Variants in NGEF observed in about 807,000 individuals in gnomAD.
NGEF encodes the protein neuronal guanine nucleotide exchange factor.
In NGEF, 31 loss-of-function variants were observed where a neutral mutation model predicts 80.9. The ratio of observed to expected loss-of-function variants is 0.38; its 90% CI spans 0.29 to 0.52. The LOEUF (loss-of-function observed/expected upper bound fraction) is 0.52. Ranked by LOEUF, NGEF falls within the 20% of genes least tolerant of loss-of-function variation. The pLI, the probability that NGEF is intolerant of heterozygous loss-of-function variation, is 0.84. For synonymous variants in NGEF, 371 were observed against 370.2 expected (o/e 1.00, Z -0.03); for missense variants, 709 against 926.2 (o/e 0.77, Z 3.04).
chr2:232,895,388 G>A (rs1157082410), intron 5 of NGEF, among the ~76,000 whole-genome samples: 1 of 152,086 alleles, frequency 6.6e-6, no homozygotes, highest in African/African-American at 2.4e-5. Flanking sequence ...TTAGCTGGGT[G>A]TGGTAGCACA....
At position 232,904,551 on chromosome 2, in the gene NGEF, A is replaced by G. The variant is rs73102736; in HGVS notation, c.829-9635T>C. 5.9e-5 allele frequency among the ~76,000 whole-genome samples: 9 copies of G among 152,276 alleles called. No individual in the cohort carries two copies. The South Asian group carries it at 1.9e-3, about 32-fold the overall frequency. Reference sequence around the variant, plus strand: ...GCCCCTTCCCAACCTTTTAATTTGAATCTATGCCTAATTATTTCCTCCAAT... The same window carrying G: ...GCCCCTTCCCAACCTTTTAATTTGAGTCTATGCCTAATTATTTCCTCCAAT... On this transcript the variant is annotated intron_variant, in intron 5 of 14. Transcript: ENST00000264051.
intron 5 of NGEF, among the ~76,000 whole-genome samples, chr2:232,919,982 G>A (rs1044787123): frequency 5.3e-5 from 8 of 152,284 alleles, no homozygotes; most frequent in Non-Finnish European, 1.0e-4. Context: ...GCATTCACGC[G>A]TGACGGAAAT....
At position 232,920,515 on chromosome 2, in the gene NGEF, T is replaced by C; in HGVS notation, c.597A>G (p.Ala199=). Residue 199 remains alanine, a synonymous_variant, in exon 5 of 15, where the codon GCA becomes GCG. Transcript: ENST00000264051. ...QEIETRRQQD[A]EIEDNTNGSP... ...ACCCATTGGTATTGTCTTCTATTTCTGCATCCTGTTGCCTCCTGGTTTCGA... is the reference window on the plus strand; with the variant it reads ...ACCCATTGGTATTGTCTTCTATTTCCGCATCCTGTTGCCTCCTGGTTTCGA... The C allele has an allele frequency of 6.3e-7, 1 of 1,582,702 alleles. No homozygotes were observed. Among genetic ancestry groups the C allele is most frequent in the Non-Finnish European group, 8.6e-7 (1 of 1,161,134 alleles).
At chr2:232,960,607 G>A (rs926100407) in intron 3 of NGEF, among the ~76,000 whole-genome samples, 3 of 152,162 alleles carry the variant, frequency 2.0e-5, no homozygotes, top group African/African-American at 7.2e-5. Context: ...GGCCTGGAGC[G>A]GTGGCTCATG....
intron 1 of NGEF, among the ~76,000 whole-genome samples, chr2:232,999,344 C>T (rs576230103): frequency 4.6e-5 from 7 of 152,066 alleles, no homozygotes; most frequent in South Asian, 2.1e-4. Context: ...AAAAAAAAAT[C>T]GAGTGTCTGT....
At chr2:232,970,418 C>T (rs1449165633) in intron 2 of NGEF, 90 bp from the exon 3 acceptor site, 2 of 843,766 alleles carry the variant, frequency 2.4e-6, no homozygotes, top group Non-Finnish European at 3.7e-6. Flanking sequence ...TAGCAGCAGT[C>T]ATGCTGGAAG....
intron 14 of NGEF, 83 bp downstream of exon 14, chr2:232,881,063 T>G (rs1691485702): frequency 3.8e-6 from 4 of 1,044,622 alleles, no homozygotes; most frequent in Non-Finnish European, 5.9e-6. Flanking sequence ...CAGACAGTGG[T>G]GGCATCTGCT....
intron 3 of NGEF, among the ~76,000 whole-genome samples, chr2:232,948,193 A>G (rs1693602270): frequency 6.9e-6 from 1 of 144,948 alleles, no homozygotes; most frequent in Non-Finnish European, 1.5e-5. Flanking sequence ...GTATATAATT[A>G]TTATTAGTTT....
intron 5 of NGEF, among the ~76,000 whole-genome samples, chr2:232,913,668 C>T (rs184177587): frequency 3.0e-4 from 45 of 152,238 alleles, no homozygotes; most frequent in Admixed American, 1.2e-3. Flanking sequence ...CACCTGTAAT[C>T]CCAGCACTTT....
At chr2:232,949,377 C>G (rs1559220537) in intron 3 of NGEF, among the ~76,000 whole-genome samples, 1 of 152,106 alleles carries the variant, frequency 6.6e-6, no homozygotes, top group Non-Finnish European at 1.5e-5. Flanking sequence ...AGGATAGACT[C>G]TGGGTCAAAG....
intron 5 of NGEF, among the ~76,000 whole-genome samples, chr2:232,903,479 G>A (rs1448302297): frequency 6.6e-6 from 1 of 152,140 alleles, no homozygotes; most frequent in African/African-American, 2.4e-5. Flanking sequence ...TGTGTCTGAC[G>A]AGGGAACTGG....
chr2:232,896,555 G>GT (rs1192452962), intron 5 of NGEF, among the ~76,000 whole-genome samples: 8 of 118,094 alleles, frequency 6.8e-5, no homozygotes, highest in Non-Finnish European at 7.2e-5. Flanking sequence ...GGGTGAGGGT[G>GT]GGGTAGGGGT....
intron 3 of NGEF, among the ~76,000 whole-genome samples, chr2:232,939,400 C>T (rs1693395724): frequency 6.6e-6 from 1 of 152,084 alleles, no homozygotes; most frequent in Non-Finnish European, 1.5e-5. Context: ...AAAATGCATT[C>T]ACTATGGTAA....
At position 232,905,822 on chromosome 2, in the gene NGEF, C is replaced by T. The variant is rs572348394; in HGVS notation, c.829-10906G>A. On this transcript the variant is annotated intron_variant, in intron 5 of 14. Transcript: ENST00000264051. The stretch of plus-strand genomic sequence containing the variant: ...CCGTCTGAGAAGTGAGGAGCCCCTC[C>T]GCCCGGCTGCCACCCCGTCTGGGAA... 26 of 297,090 alleles carry T rather than the reference C, an allele frequency of 8.8e-5. 1 individual carries two copies. The East Asian group carries it at 1.5e-3, about 17-fold the overall frequency. 18.4% of individuals were successfully genotyped at this position (297,090 alleles called of 1,614,324 possible). A position where few individuals can be genotyped will look rare whatever the true frequency, so the allele number is the denominator to read the frequency against.
At chr2:233,003,780 G>T (rs1695030393) in intron 1 of NGEF, among the ~76,000 whole-genome samples, 1 of 152,110 alleles carries the variant, frequency 6.6e-6, no homozygotes, top group Non-Finnish European at 1.5e-5. Context: ...AGGCCATCCA[G>T]GAGGCGCCCT....
chr2:232,906,918 C>T (rs1452476024), intron 5 of NGEF, among the ~76,000 whole-genome samples: 2 of 151,118 alleles, frequency 1.3e-5, no homozygotes, highest in Non-Finnish European at 2.9e-5. Flanking sequence ...GTGCTGTGTC[C>T]ACTCAGGGTT....
intron 3 of NGEF, among the ~76,000 whole-genome samples, chr2:232,952,521 G>T (rs1693697249): frequency 6.6e-6 from 1 of 152,162 alleles, no homozygotes. Context: ...TTTTAATAGA[G>T]ATATTGATTA....
intron 3 of NGEF, among the ~76,000 whole-genome samples, chr2:232,932,040 G>T (rs1395901752): frequency 6.6e-6 from 1 of 152,082 alleles, no homozygotes; most frequent in Non-Finnish European, 1.5e-5. Flanking sequence ...ATGGTAACTG[G>T]TATGGTAAAA....
chr2:232,976,997 C>T (rs1363030640), intron 1 of NGEF, among the ~76,000 whole-genome samples: 1 of 152,168 alleles, frequency 6.6e-6, no homozygotes, highest in Non-Finnish European at 1.5e-5. Flanking sequence ...TTAATACGCA[C>T]CCTTCCCGGG....
Sources: gnomAD v4.1 joint callset for allele counts (sites outside exome capture counted in the v4.1 genomes callset) on GRCh38, gnomAD v4.1.1 for gene constraint, MANE v1.5 for transcripts, NCBI Gene and HGNC (gene_info 2026-07-23, HGNC 2026-07-21) for gene names.